Variants in EIF3A observed in about 807,000 individuals in gnomAD.
EIF3A encodes the protein EIF3, p180 subunit.
In EIF3A, 21 loss-of-function variants were observed where a neutral mutation model predicts 186.6. The ratio of observed to expected loss-of-function variants is 0.11; its 90% CI spans 0.08 to 0.16. The LOEUF (loss-of-function observed/expected upper bound fraction) is 0.16. Ranked by LOEUF, EIF3A falls within the 10% of genes least tolerant of loss-of-function variation. The pLI is 1.00. For missense variants in EIF3A, 1,306 were observed against 1,796.3 expected (o/e 0.73, Z 4.93); for synonymous variants, 563 against 584.3 (o/e 0.96, Z 0.52).
chr10:119,050,402 T>C lies in EIF3A; in HGVS notation c.2473+119A>G. 3.0e-6 allele frequency: 3 copies of C among 996,138 alleles called. No homozygotes were observed. In the Admixed American group the frequency reaches 6.8e-5, roughly 23 times the overall value. The allele number at this position is 996,138 out of a possible 1,614,324, so 61.7% of individuals were successfully genotyped here. A position where few individuals can be genotyped will look rare whatever the true frequency, so the allele number is the denominator to read the frequency against. On this transcript the variant is annotated intron_variant, in intron 16 of 21. Transcript: ENST00000369144. ...AAACTGGGTTCTGAGATCCAGTTAA[T>C]TACAGTGCTAAAAGGCCAATTACCT...
intron 1 of EIF3A, among the ~76,000 whole-genome samples, chr10:119,075,917 G>A (rs1465865336): frequency 1.6e-5 from 2 of 127,844 alleles, no homozygotes; most frequent in Non-Finnish European, 3.3e-5. Flanking sequence ...TAGTAGAGGC[G>A]GGGTTTCACC....
chr10:119,038,181 TACAGGCATGAGCC>T lies in EIF3A; in HGVS notation c.3728+44_3728+56del, dbSNP rs570930320. On this transcript the variant is annotated intron_variant, in intron 20 of 21. Coordinates refer to ENST00000369144, the MANE Select transcript of EIF3A (RefSeq NM_003750.4). ...ATCCGCCCTCCCAAAGTGCTGGGAT[TACAGGCATGAGCC>T]ACTGCGCCCGGCCTCTACAAATAAT... The T allele has an allele frequency of 1.8e-5, 26 of 1,475,466 alleles. 1 individual carries two copies. In the South Asian group the frequency reaches 3.1e-4, roughly 17 times the overall value. 91.4% of individuals were successfully genotyped at this position (1,475,466 alleles called of 1,614,324 possible).
Position 119,073,936 on chromosome 10 carries a change from T to C in EIF3A, c.51A>G (p.Glu17=), listed in dbSNP as rs1265446407. 5 of 1,587,252 alleles carry C rather than the reference T, an allele frequency of 3.2e-6. No homozygotes were observed. In the South Asian group the frequency reaches 5.7e-5, roughly 18 times the overall value. Reference sequence around the variant, plus strand: ...GCTGCTTTTTGCCAACCTCAAGAAATTCTGAAAAATTCAGAAGAATTAAAA... The same window carrying C: ...GCTGCTTTTTGCCAACCTCAAGAAACTCTGAAAAATTCAGAAGAATTAAAA... ...RPENALKRAN[E]FLEVGKKQPA... is the part of the protein sequence containing the mutation. Residue 17 remains glutamate, a splice_region_variant and synonymous_variant, in exon 2 of 22, where the codon GAA becomes GAG. Coordinates refer to ENST00000369144, the MANE Select transcript of EIF3A (RefSeq NM_003750.4).
intron 5 of EIF3A, 139 bp from the exon 6 acceptor site, chr10:119,069,793 T>TA: frequency 1.6e-6 from 1 of 608,134 alleles, no homozygotes; most frequent in Non-Finnish European, 2.9e-6. Context: ...TTTACTCATG[T>TA]ATATCTATTT....
chr10:119,056,288 T>C (rs1843782704), intron 14 of EIF3A, among the ~76,000 whole-genome samples: 1 of 152,208 alleles, frequency 6.6e-6, no homozygotes, highest in Non-Finnish European at 1.5e-5. Context: ...TTATATAAAA[T>C]GTCCAGAATC....
chr10:119,049,729 G>T, intron 17 of EIF3A, 72 bp downstream of exon 17: 1 of 1,379,124 alleles, frequency 7.3e-7, no homozygotes, highest in Non-Finnish European at 1.0e-6. Flanking sequence ...GGGCGACAGA[G>T]CAAGACTGTG....
intron 1 of EIF3A, among the ~76,000 whole-genome samples, chr10:119,076,950 A>AG (rs1564762993): frequency 6.6e-6 from 1 of 151,500 alleles, no homozygotes; most frequent in Admixed American, 6.6e-5. Flanking sequence ...AAAAAAAAAA[A>AG]AAAGAAAATG....
rs747338935 is a variant in EIF3A, at chr10:119,051,354, ACTT to A, written c.2197-36_2197-34del. 4,204 of 1,536,128 alleles carry A rather than the reference ACTT, an allele frequency of 2.7e-3. 8 individuals are homozygous for A. Among genetic ancestry groups the A allele is most frequent in the Non-Finnish European group, 3.3e-3 (3,788 of 1,146,724 alleles). ...TACAAATATTGTGAAATTTCAATGCACTTTTTTTTTTACTCATTAACCCCAAAT... is the reference window on the plus strand; with the variant it reads ...TACAAATATTGTGAAATTTCAATGCATTTTTTTTACTCATTAACCCCAAAT... On this transcript the variant is annotated intron_variant, in intron 14 of 21. Coordinates refer to ENST00000369144, the MANE Select transcript of EIF3A (RefSeq NM_003750.4).
rs1022054476 is a variant in EIF3A, at chr10:119,060,604, C to T, written c.1326+142G>A. 1.1e-5 allele frequency: 6 copies of T among 557,070 alleles called. No homozygotes were observed. In the African/African-American group the frequency reaches 1.2e-4, roughly 11 times the overall value. 34.5% of individuals were successfully genotyped at this position (557,070 alleles called of 1,614,324 possible). On this transcript the variant is annotated intron_variant, in intron 9 of 21. Coordinates refer to ENST00000369144, the MANE Select transcript of EIF3A (RefSeq NM_003750.4). ...ATGTAAATATAATAATTCTGATTTT[C>T]AAATTAATAAATAGACTAATTTTTG...
intron 6 of EIF3A, among the ~76,000 whole-genome samples, chr10:119,068,971 C>CAA (rs59413780): frequency 0.029 from 2,874 of 98,876 alleles, 72 homozygotes; most frequent in African/African-American, 0.055. Flanking sequence ...CTCTGTCTTG[C>CAA]AAAAAAAAAA....
intron 14 of EIF3A, 54 bp from the exon 15 acceptor site, chr10:119,051,375 C>T (rs1438991728): frequency 6.7e-7 from 1 of 1,486,868 alleles, no homozygotes; most frequent in Non-Finnish European, 9.0e-7. Context: ...TACTCATTAA[C>T]CCCAAATTAC....
At chr10:119,056,892 C>T in intron 13 of EIF3A, 39 bp from the exon 14 acceptor site, 1 of 1,594,186 alleles carries the variant, frequency 6.3e-7, no homozygotes, top group Non-Finnish European at 8.6e-7. Context: ...TAAAAAATCT[C>T]TCTTAACTTG....
chr10:119,070,382 ATC>A (rs1844052331), intron 5 of EIF3A, among the ~76,000 whole-genome samples: 1 of 152,206 alleles, frequency 6.6e-6, no homozygotes, highest in African/African-American at 2.4e-5. Flanking sequence ...TCTCCAAACA[ATC>A]AGTAGTAAAG....
intron 1 of EIF3A, 99 bp from the exon 2 acceptor site, chr10:119,074,036 A>C: frequency 1.0e-6 from 1 of 1,003,508 alleles, no homozygotes. Flanking sequence ...ACTCATTACC[A>C]ACTTTTTACC....
Position 119,058,248 on chromosome 10 carries a change from C to T in EIF3A, c.1685G>A (p.Arg562Gln), listed in dbSNP as rs1352419006. ...LAVTAYLKNS[R>Q]KEHQRILARR... ...AGCCAGGATCCGCTGGTGCTCTTTTCGTGAATTTTTAAGGTATGCAGTGAC... is the reference window on the plus strand; with the variant it reads ...AGCCAGGATCCGCTGGTGCTCTTTTTGTGAATTTTTAAGGTATGCAGTGAC... The change falls in exon 12 of 22, where the codon CGA becomes CAA. Residue 562 changes from arginine to glutamine, a missense_variant. Arg to Gln is a conservative substitution (Grantham distance 43). Around this residue, in one of 8 missense-constraint regions of EIF3A, gnomAD observed 44 missense variants for 43.4 expected, o/e 1.01. Coordinates refer to ENST00000369144, the MANE Select transcript of EIF3A (RefSeq NM_003750.4). The T allele has an allele frequency of 5.0e-6, 8 of 1,611,280 alleles. No homozygotes were observed. The highest frequency in any genetic ancestry group is 3.3e-5 in the South Asian group (3 of 90,736).
Position 119,058,071 on chromosome 10 carries a change from T to C in EIF3A, c.1862A>G (p.Lys621Arg). 1.2e-6 allele frequency: 2 copies of C among 1,614,214 alleles called. No individual in the cohort carries two copies. Among genetic ancestry groups the C allele is most frequent in the Non-Finnish European group, 1.7e-6 (2 of 1,180,040 alleles). ...TTCATGTTCCTGTAAGATACGCTCCTTCTCTCTCTCCTTTGCTTCCTGGCG... is the reference window on the plus strand; with the variant it reads ...TTCATGTTCCTGTAAGATACGCTCCCTCTCTCTCTCCTTTGCTTCCTGGCG... ...RLRQEAKEREKERILQEHEQI... is the reference protein window; with the variant it reads ...RLRQEAKERERERILQEHEQI... Residue 621 changes from lysine to arginine, a missense_variant, in exon 12 of 22, where the codon AAG becomes AGG. By Grantham distance (26) the Lys-to-Arg change is conservative. This residue lies in a region of EIF3A where 94 missense variants were observed against 204.9 expected (regional missense o/e 0.46). Transcript: ENST00000369144.
At chr10:119,058,704 G>A (rs1244232493) in intron 11 of EIF3A, among the ~76,000 whole-genome samples, 1 of 152,222 alleles carries the variant, frequency 6.6e-6, no homozygotes. Flanking sequence ...CCAACATGGT[G>A]AAACCCCATC....
chr10:119,069,797 T>C, intron 5 of EIF3A, 143 bp from the exon 6 acceptor site: 1 of 606,910 alleles, frequency 1.6e-6, no homozygotes, highest in Admixed American at 3.0e-5. Context: ...CTCATGTATA[T>C]CTATTTTAGA....
chr10:119,035,789 T>TG lies in EIF3A; in HGVS notation c.*249_*250insC. The TG allele has an allele frequency of 2.5e-6, 1 of 403,214 alleles. No individual in the cohort carries two copies. The highest frequency in any genetic ancestry group is 4.0e-5 in the Admixed American group (1 of 25,076). 25.0% of individuals were successfully genotyped at this position (403,214 alleles called of 1,614,324 possible). A position where few individuals can be genotyped will look rare whatever the true frequency, so the allele number is the denominator to read the frequency against. ...AAATTTATTTTTTAGTTTTTCTTTT[T>TG]TGTCAACAAATGATTGATGAAATAA... On this transcript the variant is annotated 3_prime_UTR_variant, in exon 22 of 22. Coordinates refer to ENST00000369144, the MANE Select transcript of EIF3A (RefSeq NM_003750.4).
Sources: allele counts gnomAD v4.1 joint callset (sites outside exome capture counted in the v4.1 genomes callset), GRCh38; gene constraint gnomAD v4.1.1; regional missense constraint gnomAD v4.1.1; transcripts MANE v1.5; gene names NCBI Gene and HGNC (gene_info 2026-07-23, HGNC 2026-07-21).